The following KAT6B variants were observed in gnomAD, a reference collection of about 807,000 sequenced individuals.
KAT6B encodes lysine acetyltransferase 6B, also known as histone acetyltransferase KAT6B.
Under a neutral mutation model 187.5 loss-of-function variants are expected in KAT6B, and 10 were observed. The observed-to-expected ratio is 0.05, with a 90% CI of 0.03 to 0.09. KAT6B has a LOEUF of 0.09. Among genes scored for constraint, KAT6B ranks in the 10% least tolerant of loss-of-function variants. The pLI, the probability that KAT6B is intolerant of heterozygous loss-of-function variation, is 1.00. For synonymous variants in KAT6B, 861 were observed against 926.8 expected (o/e 0.93, Z 1.29); for missense variants, 1,952 against 2,558.9 (o/e 0.76, Z 5.12).
At chr10:74,959,144 T>C (rs1013713619) in intron 3 of KAT6B, among the ~76,000 whole-genome samples, 3 of 152,184 alleles carry the variant, frequency 2.0e-5, no homozygotes, top group Non-Finnish European at 2.9e-5. Context: ...AAGACCTTCG[T>C]GGCACAAAAG....
chr10:74,884,656 C>T (rs916599777), intron 3 of KAT6B, among the ~76,000 whole-genome samples: 6 of 152,000 alleles, frequency 3.9e-5, no homozygotes, highest in African/African-American at 7.2e-5. Flanking sequence ...GCAACACCTG[C>T]TTCCTGGTTT....
intron 3 of KAT6B, among the ~76,000 whole-genome samples, chr10:74,915,754 T>G (rs1329087741): frequency 1.3e-5 from 2 of 152,232 alleles, no homozygotes; most frequent in African/African-American, 4.8e-5. Context: ...AAAGGTTGCA[T>G]GTGCTGGTGG....
At chr10:74,947,364 C>T (rs1840023723) in intron 3 of KAT6B, among the ~76,000 whole-genome samples, 1 of 152,154 alleles carries the variant, frequency 6.6e-6, no homozygotes, top group Non-Finnish European at 1.5e-5. Flanking sequence ...AATGTGCAAA[C>T]ATTTAAAATG....
intron 2 of KAT6B, among the ~76,000 whole-genome samples, chr10:74,841,216 A>G (rs1001612430): frequency 2.6e-4 from 40 of 152,208 alleles, no homozygotes; most frequent in Admixed American, 1.6e-3. Context: ...GTCTCTTTGC[A>G]GAGGCAGAAC....
chr10:74,919,751 G>A (rs1218011653), intron 3 of KAT6B, among the ~76,000 whole-genome samples: 2 of 152,052 alleles, frequency 1.3e-5, no homozygotes, highest in African/African-American at 4.8e-5. Flanking sequence ...TTAAACATAT[G>A]TTAAAATTTC....
At chr10:74,907,493 G>T (rs1239073919) in intron 3 of KAT6B, among the ~76,000 whole-genome samples, 1 of 152,104 alleles carries the variant, frequency 6.6e-6, no homozygotes, top group Non-Finnish European at 1.5e-5. Flanking sequence ...GCAGTCATTT[G>T]CTTCATGTGA....
At chr10:74,994,915 G>A (rs1156339102) in intron 13 of KAT6B, among the ~76,000 whole-genome samples, 1 of 152,040 alleles carries the variant, frequency 6.6e-6, no homozygotes, top group East Asian at 1.9e-4. Flanking sequence ...AGGATAGCAT[G>A]CATATTTATA....
intron 13 of KAT6B, among the ~76,000 whole-genome samples, chr10:74,997,201 TTCTCTCTCTCTC>T (rs990279473): frequency 1.3e-5 from 2 of 148,350 alleles, no homozygotes; most frequent in Non-Finnish European, 3.0e-5. Flanking sequence ...CTCTCTCTCT[TTCTCTCTCTCTC>T]TCTCCCCCTG....
chr10:74,924,231 C>T (rs1426393038), intron 3 of KAT6B, among the ~76,000 whole-genome samples: 1 of 152,108 alleles, frequency 6.6e-6, no homozygotes, highest in Non-Finnish European at 1.5e-5. Flanking sequence ...TGGCCCAGTG[C>T]ACACAAAGGA....
At chr10:74,953,250 A>G (rs1840444265) in intron 3 of KAT6B, among the ~76,000 whole-genome samples, 2 of 152,146 alleles carry the variant, frequency 1.3e-5, no homozygotes, top group African/African-American at 2.4e-5. Context: ...AAAGTCTTTT[A>G]TAGAGTAATT....
At chr10:74,933,711 A>T (rs917392908) in intron 3 of KAT6B, among the ~76,000 whole-genome samples, 1 of 152,226 alleles carries the variant, frequency 6.6e-6, no homozygotes, top group Non-Finnish European at 1.5e-5. Flanking sequence ...TAAATTATTC[A>T]TATATACATC....
chr10:74,964,107 G>C (rs942864704), intron 4 of KAT6B, among the ~76,000 whole-genome samples: 20 of 152,186 alleles, frequency 1.3e-4, no homozygotes, highest in African/African-American at 4.6e-4. Flanking sequence ...CTCCAGCCTA[G>C]GTGACAAGAG....
At chr10:74,881,020 T>C (rs1178526853) in intron 3 of KAT6B, among the ~76,000 whole-genome samples, 2 of 151,674 alleles carry the variant, frequency 1.3e-5, no homozygotes, top group Admixed American at 1.3e-4. Flanking sequence ...ACCTCCCAGG[T>C]TCAAGCCATT....
intron 1 of KAT6B, among the ~76,000 whole-genome samples, chr10:74,833,549 C>G (rs1841040472): frequency 6.6e-6 from 1 of 152,138 alleles, no homozygotes; most frequent in South Asian, 2.1e-4. Flanking sequence ...TGGGACCTGT[C>G]TCTACTAATT....
chr10:74,891,864 A>G (rs1845665648), intron 3 of KAT6B, among the ~76,000 whole-genome samples: 1 of 152,234 alleles, frequency 6.6e-6, no homozygotes, highest in South Asian at 2.1e-4. Flanking sequence ...AAGGAAGCAG[A>G]TAGGGAATGT....
At chr10:74,968,502 G>A (rs962928870) in intron 4 of KAT6B, among the ~76,000 whole-genome samples, 1 of 152,042 alleles carries the variant, frequency 6.6e-6, no homozygotes, top group Non-Finnish European at 1.5e-5. Flanking sequence ...TGAAGCACCT[G>A]TTAAGCTTTA....
chr10:74,932,547 T>G (rs1296747492), intron 3 of KAT6B, among the ~76,000 whole-genome samples: 3 of 152,146 alleles, frequency 2.0e-5, no homozygotes, highest in African/African-American at 4.8e-5. Context: ...GAATTTTCCC[T>G]TAAACTAAAT....
chr10:74,992,403 A>G (rs912248365), intron 13 of KAT6B, among the ~76,000 whole-genome samples: 4 of 152,196 alleles, frequency 2.6e-5, no homozygotes, highest in African/African-American at 9.6e-5. Flanking sequence ...TAATCTACCA[A>G]CCATCATAGC....
chr10:74,827,465 A>G (rs1462689861), intron 1 of KAT6B, among the ~76,000 whole-genome samples: 1 of 151,834 alleles, frequency 6.6e-6, no homozygotes, highest in Non-Finnish European at 1.5e-5. Context: ...ATCTGGGTGG[A>G]TCGCATGTTG....
Sources: allele counts gnomAD v4.1 joint callset (sites outside exome capture counted in the v4.1 genomes callset), GRCh38; gene constraint gnomAD v4.1.1; transcripts MANE v1.5; gene names NCBI Gene and HGNC (gene_info 2026-07-23, HGNC 2026-07-21).